KCNK13: variants seen among roughly 807,000 people sequenced by gnomAD.
The protein encoded by KCNK13 is potassium channel subfamily K member 13.
KCNK13 carries 12 observed loss-of-function variants against 23.4 expected under a neutral mutation model. The observed-to-expected ratio is 0.51, with a 90% confidence interval of 0.33 to 0.83. The LOEUF is 0.83. Among genes scored for constraint, KCNK13 ranks in the 40% least tolerant of loss-of-function variants. The pLI is 0.02. For missense variants in KCNK13, 463 were observed against 556.3 expected (o/e 0.83, Z 1.69); for synonymous variants, 231 against 229.5 (o/e 1.01, Z -0.06).
Position 90,184,282 on chromosome 14 carries a change from G to C in KCNK13, c.506G>C (p.Gly169Ala). Residue 169 changes from glycine (G) to alanine (A), a missense_variant, in exon 2 of 2, where the codon GGG becomes GCG. This residue lies in a region of KCNK13 where 144 missense variants were observed against 224.0 expected (regional missense o/e 0.64). Transcript: ENST00000282146. The surrounding 1 kb of genome is among the most constrained non-coding windows in gnomAD (Gnocchi z 5.6). The stretch of plus-strand genomic sequence containing the variant: ...CACCAGCGGCAGCTCCGGAGACGAG[G>C]GGCCCTGCCCCAGGAGAGCCTGAAG... ...SCHQRQLRRRGALPQESLKDA... is the reference protein window; with the variant it reads ...SCHQRQLRRRAALPQESLKDA... 1 of 1,614,230 alleles carries C rather than the reference G, an allele frequency of 6.2e-7. No individual in the cohort carries two copies. Among genetic ancestry groups the C allele is most frequent in the Non-Finnish European group, 8.5e-7 (1 of 1,180,036 alleles).
At chr14:90,069,142 T>A (rs1889044830) in intron 1 of KCNK13, among the ~76,000 whole-genome samples, 1 of 148,926 alleles carries the variant, frequency 6.7e-6, no homozygotes, top group East Asian at 2.0e-4. Context: ...GTTCAAGCGA[T>A]TCTCTTGCCT....
At chr14:90,110,444 C>T (rs1246750605) in intron 1 of KCNK13, among the ~76,000 whole-genome samples, 1 of 151,120 alleles carries the variant, frequency 6.6e-6, no homozygotes, top group Non-Finnish European at 1.5e-5. Flanking sequence ...CATGCCACAG[C>T]ACTCCAGCCT....
intron 1 of KCNK13, among the ~76,000 whole-genome samples, chr14:90,069,660 A>T (rs1342304729): frequency 6.7e-6 from 1 of 149,750 alleles, no homozygotes; most frequent in East Asian, 1.9e-4. Flanking sequence ...ATCAAAGAAG[A>T]TGAGGCATTC....
chr14:90,177,348 G>C (rs1041065245), intron 1 of KCNK13: 2 of 152,068 alleles, frequency 1.3e-5, no homozygotes, highest in Non-Finnish European at 2.9e-5. Flanking sequence ...AGTAATGAAA[G>C]ATAAAACATT....
chr14:90,076,331 T>C (rs961910586), intron 1 of KCNK13, among the ~76,000 whole-genome samples: 1 of 152,242 alleles, frequency 6.6e-6, no homozygotes, highest in African/African-American at 2.4e-5. Context: ...TCCCAGAACC[T>C]TCTGTCTTTC....
intron 1 of KCNK13, among the ~76,000 whole-genome samples, chr14:90,170,744 G>C (rs1890356114): frequency 6.6e-6 from 1 of 152,112 alleles, no homozygotes; most frequent in African/African-American, 2.4e-5. Context: ...TAAACAAATG[G>C]GGCAGAGGAA....
At chr14:90,138,056 A>G (rs77165025) in intron 1 of KCNK13, among the ~76,000 whole-genome samples, 15,132 of 152,232 alleles carry the variant, frequency 0.099, 1,061 homozygotes, top group Admixed American at 0.25. Flanking sequence ...ATTAGTACCC[A>G]TAACAGAGAA....
chr14:90,097,470 G>C (rs1433686822), intron 1 of KCNK13, among the ~76,000 whole-genome samples: 2 of 152,106 alleles, frequency 1.3e-5, no homozygotes, highest in Non-Finnish European at 1.5e-5. Flanking sequence ...AGCCATTCAT[G>C]AGGGATCTGC....
At chr14:90,083,736 A>G (rs868652388) in intron 1 of KCNK13, among the ~76,000 whole-genome samples, 4 of 152,314 alleles carry the variant, frequency 2.6e-5, no homozygotes, top group South Asian at 2.1e-4. Flanking sequence ...TGAAGCCTCA[A>G]AATTCTAAGA....
chr14:90,130,771 A>C (rs1182384028), intron 1 of KCNK13, among the ~76,000 whole-genome samples: 5 of 152,092 alleles, frequency 3.3e-5, no homozygotes. Flanking sequence ...CCGAGATCGC[A>C]CCACTGCACT....
At chr14:90,143,368 T>C (rs1890037822) in intron 1 of KCNK13, among the ~76,000 whole-genome samples, 1 of 152,010 alleles carries the variant, frequency 6.6e-6, no homozygotes, top group Admixed American at 6.6e-5. Flanking sequence ...ATACATCTGC[T>C]TCTTCTCAGT....
At chr14:90,097,874 A>G (rs1411999397) in intron 1 of KCNK13, among the ~76,000 whole-genome samples, 1 of 152,230 alleles carries the variant, frequency 6.6e-6, no homozygotes, top group African/African-American at 2.4e-5. Context: ...GTTATTAGCC[A>G]TTAGTAATGA....
In KCNK13 at chr14:90,062,254, A is replaced by T; in HGVS notation, c.49A>T (p.Asn17Tyr). The T allele has an allele frequency of 6.8e-7, 1 of 1,473,910 alleles. No homozygotes were observed. The highest frequency in any genetic ancestry group is 9.0e-7 in the Non-Finnish European group (1 of 1,112,186). The allele number at this position is 1,473,910 out of a possible 1,614,324, so 91.3% of individuals were successfully genotyped here. A position where few individuals can be genotyped will look rare whatever the true frequency, so the allele number is the denominator to read the frequency against. ...GGGCCCGGGCCACCTGAACGAGGAC[A>T]ACGCGCGCTTTCTGCTGCTGGCCGC... ...SWGPGHLNED[N>Y]ARFLLLAALI... Residue 17 changes from asparagine (N) to tyrosine (Y), a missense_variant, in exon 1 of 2, where the codon AAC becomes TAC. Transcript: ENST00000282146. The surrounding 1 kb of genome is among the most constrained non-coding windows in gnomAD (Gnocchi z 4.5).
chr14:90,076,471 G>A (rs1462228697), intron 1 of KCNK13, among the ~76,000 whole-genome samples: 2 of 152,136 alleles, frequency 1.3e-5, no homozygotes, highest in African/African-American at 4.8e-5. Context: ...GAACTTTCTG[G>A]GACAATTCCA....
chr14:90,064,345 G>A (rs1888982901), intron 1 of KCNK13, among the ~76,000 whole-genome samples: 1 of 149,734 alleles, frequency 6.7e-6, no homozygotes, highest in Non-Finnish European at 1.5e-5. Context: ...GCTCCCAGTG[G>A]GCACAGAGGC....
In KCNK13 at chr14:90,108,338, A is replaced by G. The variant is rs1026529924; in HGVS notation, c.334+45799A>G. On this transcript the variant is annotated intron_variant, in intron 1 of 1. Transcript: ENST00000282146. ...TCTGCCTCTAAGCCAGTGTTTTTCAACTATGTTTCTACAGACTCCTTCTCC... is the reference window on the plus strand; with the variant it reads ...TCTGCCTCTAAGCCAGTGTTTTTCAGCTATGTTTCTACAGACTCCTTCTCC... Among the ~76,000 whole-genome samples, 130 of 152,042 alleles carry G rather than the reference A, an allele frequency of 8.6e-4. 11 individuals carry two copies.
At chr14:90,139,076 C>T (rs1204781031) in intron 1 of KCNK13, among the ~76,000 whole-genome samples, 1 of 152,140 alleles carries the variant, frequency 6.6e-6, no homozygotes. Flanking sequence ...TCACATGGGA[C>T]CAGTGTGGTT....
intron 1 of KCNK13, among the ~76,000 whole-genome samples, chr14:90,140,915 C>G (rs1336501030): frequency 6.6e-6 from 1 of 152,106 alleles, no homozygotes. Context: ...GGACCTGAGC[C>G]CCCCACAGCT....
chr14:90,069,693 G>A (rs746942636), intron 1 of KCNK13, among the ~76,000 whole-genome samples: 3 of 151,828 alleles, frequency 2.0e-5, no homozygotes, highest in Non-Finnish European at 4.4e-5. Flanking sequence ...AATATCCCAC[G>A]AATGCATTAA....
Sources: gnomAD v4.1 joint callset for allele counts (sites outside exome capture counted in the v4.1 genomes callset) on GRCh38, gnomAD v4.1.1 for gene constraint, gnomAD v4.1.1 regional missense constraint, Gnocchi (gnomAD v3.1) non-coding constraint, MANE v1.5 for transcripts, NCBI Gene and HGNC (gene_info 2026-07-23, HGNC 2026-07-21) for gene names.